Variants in ZNF516 observed in about 807,000 individuals in gnomAD.
ZNF516 encodes zinc finger protein 516.
Under a neutral mutation model 79.7 loss-of-function variants are expected in ZNF516, and 19 were observed. The ratio of observed to expected loss-of-function variants is 0.24; its 90% confidence interval spans 0.17 to 0.35. The LOEUF is 0.35. Ranked by LOEUF, ZNF516 falls within the 10% of genes least tolerant of loss-of-function variation. The pLI is 1.00. For synonymous variants in ZNF516, 877 were observed against 739.5 expected (o/e 1.19, Z -3.02); for missense variants, 1,678 against 1,679.5 (o/e 1.00, Z 0.02).
At chr18:76,372,959 G>A (rs2074731046) in intron 4 of ZNF516, 1 of 152,282 alleles carries the variant, frequency 6.6e-6, no homozygotes, top group Admixed American at 6.5e-5. Flanking sequence ...GACCAGCCTG[G>A]GCAACAGAGT....
At chr18:76,449,133 C>G (rs916064429) in intron 2 of ZNF516, among the ~76,000 whole-genome samples, 1 of 152,156 alleles carries the variant, frequency 6.6e-6, no homozygotes, top group African/African-American at 2.4e-5. Flanking sequence ...TCCATGTGCC[C>G]AAGTCAAGCC....
Position 76,442,644 on chromosome 18 carries a change from G to C in ZNF516, c.411C>G (p.Ala137=). Reference sequence around the variant, plus strand: ...CCTGCGAGGCCCCGTTCAGGACCCTGGCGCCGTCGGCCTGCGAGGCCCCGT... The same window carrying C: ...CCTGCGAGGCCCCGTTCAGGACCCTCGCGCCGTCGGCCTGCGAGGCCCCGT... The part of the protein sequence containing the change: ...LLNGASQADG[A]RVLNGASQAD... Residue 137 remains alanine (A), a synonymous_variant, in exon 3 of 7, where the codon GCC becomes GCG. Transcript: ENST00000443185. The C allele has an allele frequency of 6.3e-7, 1 of 1,588,636 alleles. No homozygotes were observed. The highest frequency in any genetic ancestry group is 8.5e-7 in the Non-Finnish European group (1 of 1,173,574).
In ZNF516 at chr18:76,459,893, G is replaced by A. The variant is rs1423445816; in HGVS notation, c.-158+3135C>T. ...TGATGATAAGGAAACGCCGGGTGGG[G>A]TCTTTACGTAGGCAGCCTCCTTGGC... On this transcript the variant is annotated intron_variant, in intron 2 of 6. Coordinates refer to ENST00000443185, the MANE Select transcript of ZNF516 (RefSeq NM_014643.4). This position sits in a 1 kb window ranked among gnomAD's most constrained non-coding sequence, Gnocchi z 5.0. Among the ~76,000 whole-genome samples the A allele has an allele frequency of 1.3e-5, 2 of 152,196 alleles. No individual in the cohort carries two copies. The highest frequency in any genetic ancestry group is 2.9e-5 in the Non-Finnish European group (2 of 68,032).
chr18:76,419,508 G>A (rs1360589702), intron 3 of ZNF516, among the ~76,000 whole-genome samples: 1 of 152,188 alleles, frequency 6.6e-6, no homozygotes. Flanking sequence ...AGTTGGATAT[G>A]ATCCGGCTGC....
intron 2 of ZNF516, among the ~76,000 whole-genome samples, chr18:76,448,407 T>C (rs758921776): frequency 6.6e-6 from 1 of 152,192 alleles, no homozygotes; most frequent in Non-Finnish European, 1.5e-5. Context: ...GACCTAATAA[T>C]ACAGAGCAGA....
intron 3 of ZNF516, among the ~76,000 whole-genome samples, chr18:76,409,238 T>C (rs116508634): frequency 0.018 from 2,772 of 152,344 alleles, 46 homozygotes; most frequent in African/African-American, 0.038. Context: ...TGTACATTTA[T>C]AGAAACTCTA....
chr18:76,377,809 G>C (rs564945800), intron 4 of ZNF516, among the ~76,000 whole-genome samples: 19 of 150,590 alleles, frequency 1.3e-4, no homozygotes, highest in African/African-American at 4.4e-4. Context: ...TCCGCCTCCT[G>C]GGTTCAAGCA....
intron 3 of ZNF516, among the ~76,000 whole-genome samples, chr18:76,395,253 C>T (rs1253883992): frequency 2.0e-5 from 3 of 152,198 alleles, no homozygotes; most frequent in Non-Finnish European, 4.4e-5. Context: ...CTGTTTCCCC[C>T]GCAATTCACA....
chr18:76,444,880 A>G (rs1390058194), intron 2 of ZNF516, among the ~76,000 whole-genome samples: 1 of 152,262 alleles, frequency 6.6e-6, no homozygotes, highest in Admixed American at 6.5e-5. Context: ...AGCGCCAGGT[A>G]GAAACCTTAT....
intron 1 of ZNF516, among the ~76,000 whole-genome samples, chr18:76,471,043 A>T (rs1482403325): frequency 2.0e-5 from 3 of 152,192 alleles, no homozygotes; most frequent in Admixed American, 2.0e-4. Flanking sequence ...TTAATTTTTT[A>T]AAAACACCTT....
intron 3 of ZNF516, among the ~76,000 whole-genome samples, chr18:76,413,494 C>A (rs1342226106): frequency 6.6e-6 from 1 of 152,044 alleles, no homozygotes; most frequent in Non-Finnish European, 1.5e-5. Context: ...CCATGCAATC[C>A]CATTATCAAT....
chr18:76,436,613 C>A (rs2075740439), intron 3 of ZNF516, among the ~76,000 whole-genome samples: 1 of 152,124 alleles, frequency 6.6e-6, no homozygotes, highest in African/African-American at 2.4e-5. Flanking sequence ...GAGAGCTCCT[C>A]CTGCTCTACC....
chr18:76,395,069 G>A (rs2075126284), intron 3 of ZNF516, among the ~76,000 whole-genome samples: 1 of 152,230 alleles, frequency 6.6e-6, no homozygotes, highest in African/African-American at 2.4e-5. Flanking sequence ...AGGCCAGGCA[G>A]GAATATTGGA....
At chr18:76,481,642 T>C (rs1379394353) in intron 1 of ZNF516, among the ~76,000 whole-genome samples, 1 of 152,202 alleles carries the variant, frequency 6.6e-6, no homozygotes. Context: ...TTACTGCCTG[T>C]TTCCTAAGAC....
At chr18:76,478,097 A>G (rs1914280711) in intron 1 of ZNF516, among the ~76,000 whole-genome samples, 1 of 152,158 alleles carries the variant, frequency 6.6e-6, no homozygotes. Flanking sequence ...TCTGGTGGAG[A>G]GCAGAAAGTG....
chr18:76,414,759 G>A (rs768569325), intron 3 of ZNF516, among the ~76,000 whole-genome samples: 13 of 152,160 alleles, frequency 8.5e-5, no homozygotes, highest in Admixed American at 2.6e-4. Flanking sequence ...AATCATGTTC[G>A]CACCAACTAT....
chr18:76,492,565 G>C (rs1915295641), intron 1 of ZNF516: 1 of 365,980 alleles, frequency 2.7e-6, no homozygotes, highest in Admixed American at 6.4e-5. Context: ...ACTTTTCTAC[G>C]GAGTTCACAT....
intron 1 of ZNF516, among the ~76,000 whole-genome samples, chr18:76,482,855 A>T (rs1914606142): frequency 6.6e-6 from 1 of 152,220 alleles, no homozygotes; most frequent in South Asian, 2.1e-4. Flanking sequence ...CTACAGGATG[A>T]AGTCCATAAA....
At chr18:76,429,039 G>A (rs1263083529) in intron 3 of ZNF516, among the ~76,000 whole-genome samples, 4 of 152,232 alleles carry the variant, frequency 2.6e-5, no homozygotes, top group South Asian at 2.1e-4. Flanking sequence ...GGCTGACCCC[G>A]GGGAAGTTGG....
Sources: gnomAD v4.1 joint callset for allele counts (sites outside exome capture counted in the v4.1 genomes callset) on GRCh38, gnomAD v4.1.1 for gene constraint, Gnocchi (gnomAD v3.1) non-coding constraint, MANE v1.5 for transcripts, NCBI Gene and HGNC (gene_info 2026-07-23, HGNC 2026-07-21) for gene names.